The following ZNF678 variants were observed in gnomAD, a reference collection of about 807,000 sequenced individuals.
ZNF678 encodes hypothetical protein MGC42493.
Under a neutral mutation model 3.0 loss-of-function variants are expected in ZNF678, and 5 were observed. The observed-to-expected ratio is 1.69, with a 90% CI of 0.88 to 3.56. The LOEUF is 3.56. Ranked by LOEUF, ZNF678 falls within the 30% of genes most tolerant of loss-of-function variation. ZNF678 has a pLI of 0.00. For synonymous variants in ZNF678, 218 were observed against 199.6 expected, an observed-to-expected ratio of 1.09 and a Z score of -0.78; for missense variants, 593 against 605.0, an observed-to-expected ratio of 0.98 and a Z score of 0.21.
At chr1:227,671,568 G>C (rs1465668973) in intron 5 of ZNF678, among the ~76,000 whole-genome samples, 1 of 152,132 alleles carries the variant, frequency 6.6e-6, no homozygotes, top group East Asian at 1.9e-4. Context: ...AACACTTGCA[G>C]GGTGATGTTC....
rs535300474 is a variant in ZNF678, at chr1:227,626,209, G to A, written c.-163-20335G>A. ...CTACGATTGTAGTTACTTTCCTCAC[G>A]GTTGTCGCTTAAAGAGCAGGCACAG... is the stretch of plus-strand genomic sequence containing the variant. On this transcript the variant is annotated intron_variant, in intron 1 of 3. Coordinates refer to ENST00000343776, the MANE Select transcript of ZNF678 (RefSeq NM_001367909.1). Among the ~76,000 whole-genome samples the A allele has an allele frequency of 8.5e-5, 13 of 152,270 alleles. 1 individual carries two copies. The highest frequency in any genetic ancestry group is 2.9e-4 in the African/African-American group (12 of 41,550).
intron 1 of ZNF678, among the ~76,000 whole-genome samples, chr1:227,633,307 C>T (rs1335490276): frequency 2.0e-5 from 3 of 152,290 alleles, no homozygotes; most frequent in Admixed American, 1.3e-4. Context: ...TTGCCACTGC[C>T]GGCTCAAAAT....
intron 1 of ZNF678, among the ~76,000 whole-genome samples, chr1:227,580,938 A>T (rs1352584522): frequency 6.6e-6 from 1 of 152,020 alleles, no homozygotes; most frequent in East Asian, 1.9e-4. Flanking sequence ...AAAAAAAAAA[A>T]ATTTTACCAC....
chr1:227,649,275 T>C (rs1659032234), intron 2 of ZNF678, among the ~76,000 whole-genome samples: 1 of 152,214 alleles, frequency 6.6e-6, no homozygotes, highest in Non-Finnish European at 1.5e-5. Context: ...AGAGCCTTCA[T>C]ACTAATTTTT....
At chr1:227,567,361 C>G (rs1419898876) in intron 1 of ZNF678, among the ~76,000 whole-genome samples, 1 of 152,154 alleles carries the variant, frequency 6.6e-6, no homozygotes, top group Non-Finnish European at 1.5e-5. Context: ...ATAGCCCTGA[C>G]TGGAAAGTAG....
chr1:227,567,440 G>A (rs1571851845), intron 1 of ZNF678, among the ~76,000 whole-genome samples: 2 of 152,130 alleles, frequency 1.3e-5, no homozygotes, highest in African/African-American at 4.8e-5. Context: ...TTGAAGGCCC[G>A]GTTCTTCCTG....
At position 227,655,882 on chromosome 1, in the gene ZNF678, T is replaced by G; in HGVS notation, c.*54T>G. 2 of 1,471,676 alleles carry G rather than the reference T, an allele frequency of 1.4e-6. No individual in the cohort carries two copies. Among genetic ancestry groups the G allele is most frequent in the Non-Finnish European group, 1.8e-6 (2 of 1,095,368 alleles). The allele number at this position is 1,471,676 out of a possible 1,614,324, so 91.2% of individuals were successfully genotyped here. A position where few individuals can be genotyped will look rare whatever the true frequency, so the allele number is the denominator to read the frequency against. ...AATTTCATACTGAATAAAAGTGGTA[T>G]GAGCATAATGACTGTTTAAGGATGT... On this transcript the variant is annotated 3_prime_UTR_variant, in exon 4 of 4. Transcript: ENST00000343776.
intron 1 of ZNF678, 31 bp downstream of exon 1, chr1:227,563,755 G>T: frequency 7.6e-7 from 1 of 1,308,660 alleles, no homozygotes. Flanking sequence ...GTTCCAAGAT[G>T]GCGGTCCGGC....
chr1:227,666,578 CT>C (rs1324123700), downstream of ZNF678, among the ~76,000 whole-genome samples: 1 of 152,066 alleles, frequency 6.6e-6, no homozygotes, highest in African/African-American at 2.4e-5. Flanking sequence ...TTCTAAGTTT[CT>C]TATGCTCAGT....
chr1:227,600,455 G>C (rs886188823), intron 1 of ZNF678, among the ~76,000 whole-genome samples: 1 of 151,874 alleles, frequency 6.6e-6, no homozygotes, highest in African/African-American at 2.4e-5. Context: ...GTTTTGTTTT[G>C]TTATTTTCTG....
chr1:227,679,667 T>C (rs752597313), downstream of ZNF678, among the ~76,000 whole-genome samples: 12 of 152,130 alleles, frequency 7.9e-5, no homozygotes, highest in Non-Finnish European at 1.3e-4. Flanking sequence ...CTTCCTTCTT[T>C]AACTCGGTGT....
intron 1 of ZNF678, among the ~76,000 whole-genome samples, chr1:227,588,360 G>A (rs1205325778): frequency 6.6e-6 from 1 of 152,124 alleles, no homozygotes; most frequent in Non-Finnish European, 1.5e-5. Flanking sequence ...TAATGGGATT[G>A]TTGAGTCAAG....
rs571552703 is a variant in ZNF678 at position 227,625,243 on chromosome 1, C to T, written c.-163-21301C>T. On this transcript the variant is annotated intron_variant, in intron 1 of 3. Coordinates refer to ENST00000343776, the MANE Select transcript of ZNF678 (RefSeq NM_001367909.1). ...CTAGCTAGGCTTAGGAATTCTTCGTCGGCCTAGGAAATCCAGCCAGTCCTG... is the reference window on the plus strand; with the variant it reads ...CTAGCTAGGCTTAGGAATTCTTCGTTGGCCTAGGAAATCCAGCCAGTCCTG... 8.2e-4 allele frequency among the ~76,000 whole-genome samples: 125 copies of T among 152,212 alleles called. 4 individuals carry two copies. The South Asian group carries it at 0.024, about 29-fold the overall frequency.
At chr1:227,580,301 A>G (rs956832929) in intron 1 of ZNF678, among the ~76,000 whole-genome samples, 7 of 152,046 alleles carry the variant, frequency 4.6e-5, no homozygotes, top group African/African-American at 1.7e-4. Flanking sequence ...GGCTGCATCT[A>G]GTTGGCTATC....
intron 1 of ZNF678, among the ~76,000 whole-genome samples, chr1:227,632,045 G>C (rs534226751): frequency 1.3e-5 from 2 of 152,212 alleles, no homozygotes; most frequent in Non-Finnish European, 2.9e-5. Context: ...GGTAGAAATT[G>C]GGGGAGTAGA....
intron 1 of ZNF678, among the ~76,000 whole-genome samples, chr1:227,601,179 A>C (rs938545515): frequency 6.6e-6 from 1 of 152,090 alleles, no homozygotes; most frequent in Non-Finnish European, 1.5e-5. Flanking sequence ...GTATAGTTTG[A>C]AGTCAGGTAG....
At chr1:227,647,234 G>A (rs1341970359) in intron 2 of ZNF678, among the ~76,000 whole-genome samples, 1 of 152,172 alleles carries the variant, frequency 6.6e-6, no homozygotes, top group Admixed American at 6.5e-5. Context: ...TCCAGCTTGG[G>A]CAACAAAAGC....
intron 1 of ZNF678, among the ~76,000 whole-genome samples, chr1:227,621,993 A>C (rs1658291929): frequency 6.6e-6 from 1 of 152,188 alleles, no homozygotes; most frequent in African/African-American, 2.4e-5. Flanking sequence ...AAATAAAAGT[A>C]TTTTACCCCA....
chr1:227,580,138 C>G (rs1158897602), intron 1 of ZNF678, among the ~76,000 whole-genome samples: 1 of 152,086 alleles, frequency 6.6e-6, no homozygotes, highest in Non-Finnish European at 1.5e-5. Context: ...AAATGAGTCC[C>G]GGTGTACAGT....
Sources: allele counts gnomAD v4.1 joint callset (sites outside exome capture counted in the v4.1 genomes callset), GRCh38; gene constraint gnomAD v4.1.1; transcripts MANE v1.5; gene names NCBI Gene and HGNC (gene_info 2026-07-23, HGNC 2026-07-21).